DDR2: variants seen among roughly 807,000 people sequenced by gnomAD.
DDR2 encodes the protein discoidin domain-containing receptor 2.
A neutral mutation model predicts 94.9 loss-of-function variants in DDR2; 27 were observed. The observed-to-expected ratio is 0.28, with a 90% confidence interval of 0.21 to 0.39. DDR2 has a LOEUF of 0.39. Ranked by LOEUF, DDR2 falls within the 10% of genes least tolerant of loss-of-function variation. DDR2 has a pLI of 1.00. For missense variants in DDR2, 783 were observed against 1,076.0 expected (o/e 0.73, Z 3.81); for synonymous variants, 382 against 377.2 (o/e 1.01, Z -0.15).
chr1:162,651,241 GC>G (rs769258882), intron 1 of DDR2, among the ~76,000 whole-genome samples: 11 of 152,106 alleles, frequency 7.2e-5, no homozygotes, highest in Non-Finnish European at 1.2e-4. Flanking sequence ...GGCATTTGGA[GC>G]CCTGCGTTTT....
intron 2 of DDR2, among the ~76,000 whole-genome samples, chr1:162,715,862 A>G (rs886306136): frequency 6.6e-6 from 1 of 152,216 alleles, no homozygotes; most frequent in Admixed American, 6.5e-5. Flanking sequence ...GCTGACAGTC[A>G]TCTAATTTTA....
At chr1:162,635,997 G>A (rs1437121001) in intron 1 of DDR2, among the ~76,000 whole-genome samples, 1 of 152,132 alleles carries the variant, frequency 6.6e-6, no homozygotes, top group African/African-American at 2.4e-5. Context: ...ACCTGTCAAG[G>A]ATATTTATTG....
At position 162,776,213 on chromosome 1, in the gene DDR2, G is replaced by A. The variant is rs896311138; in HGVS notation, c.2126G>A (p.Arg709Gln). The A allele has an allele frequency of 3.1e-6, 5 of 1,613,686 alleles. No homozygotes were observed. The highest frequency in any genetic ancestry group is 1.3e-5 in the African/African-American group (1 of 74,810). Residue 709 changes from arginine (R) to glutamine (Q), a missense_variant, in exon 16 of 18, where the codon CGA becomes CAA. Arg to Gln is a conservative substitution (Grantham distance 43, BLOSUM62 1). Coordinates refer to ENST00000367921, the MANE Select transcript of DDR2 (RefSeq NM_006182.4). Reference protein sequence around the residue: ...KYLSSLNFVHRDLATRNCLVG... With the variant: ...KYLSSLNFVHQDLATRNCLVG... ...CTTTCCTCTCTTAATTTTGTTCACCGAGATCTGGCCACACGAAACTGTTTA... is the reference window on the plus strand; with the variant it reads ...CTTTCCTCTCTTAATTTTGTTCACCAAGATCTGGCCACACGAAACTGTTTA...
intron 2 of DDR2, among the ~76,000 whole-genome samples, chr1:162,718,522 A>T (rs985343767): frequency 2.3e-4 from 35 of 152,306 alleles, no homozygotes; most frequent in African/African-American, 8.4e-4. Context: ...CTAATCTATT[A>T]TCATAGATTA....
chr1:162,655,042 A>G lies in DDR2; in HGVS notation c.-191-169A>G, dbSNP rs181678146. On this transcript the variant is annotated intron_variant, in intron 1 of 17. Coordinates refer to ENST00000367921, the MANE Select transcript of DDR2 (RefSeq NM_006182.4). ...TTCTTAACTGGGCAAGTATCAGTTT[A>G]GGTATAAACAACATCCCTCCGAGAT... is the stretch of plus-strand genomic sequence containing the variant. Among the ~76,000 whole-genome samples, 266 of 152,326 alleles carry G rather than the reference A, an allele frequency of 1.7e-3. 2 individuals are homozygous for G. Among genetic ancestry groups the G allele is most frequent in the African/African-American group, 6.0e-3 (248 of 41,578 alleles).
intron 1 of DDR2, among the ~76,000 whole-genome samples, chr1:162,633,504 C>T (rs181660333): frequency 1.3e-5 from 2 of 152,306 alleles, no homozygotes; most frequent in Admixed American, 1.3e-4. Flanking sequence ...AACCCCTTCG[C>T]TCCACAGATG....
At chr1:162,760,879 G>A (rs914951332) in intron 8 of DDR2, among the ~76,000 whole-genome samples, 1 of 151,368 alleles carries the variant, frequency 6.6e-6, no homozygotes, top group Non-Finnish European at 1.5e-5. Flanking sequence ...CGCAGTTGCC[G>A]TCTACCCTGA....
intron 4 of DDR2, among the ~76,000 whole-genome samples, chr1:162,753,744 T>C (rs1663326791): frequency 6.6e-6 from 1 of 152,152 alleles, no homozygotes; most frequent in African/African-American, 2.4e-5. Flanking sequence ...CCTGGGGCGA[T>C]TGATTTCAGG....
intron 2 of DDR2, among the ~76,000 whole-genome samples, chr1:162,718,498 T>C (rs1474556085): frequency 6.6e-6 from 1 of 152,214 alleles, no homozygotes; most frequent in Non-Finnish European, 1.5e-5. Context: ...AAGTTCATAC[T>C]GATGTCTCCA....
Position 162,759,922 on chromosome 1 carries a change from T to A in DDR2, c.798T>A (p.Asn266Lys). 1 of 1,614,148 alleles carries A rather than the reference T, an allele frequency of 6.2e-7. No individual in the cohort carries two copies. Among genetic ancestry groups the A allele is most frequent in the South Asian group, 1.1e-5 (1 of 91,086 alleles). Residue 266 changes from asparagine (N) to lysine (K), a missense_variant, in exon 8 of 18, where the codon AAT becomes AAA. Coordinates refer to ENST00000367921, the MANE Select transcript of DDR2 (RefSeq NM_006182.4). ...YVGWRNESAT[N>K]GYIEIMFEFD... is the part of the protein sequence containing the mutation. Reference sequence around the variant, plus strand: ...GCTGGCGGAACGAGAGTGCCACCAATGGCTACATTGAGATCATGTTTGAAT... The same window carrying A: ...GCTGGCGGAACGAGAGTGCCACCAAAGGCTACATTGAGATCATGTTTGAAT...
rs6666437 is a variant in DDR2 at position 162,642,269 on chromosome 1, T to C, written c.-192+9638T>C. On this transcript the variant is annotated intron_variant, in intron 1 of 17. Coordinates refer to ENST00000367921, the MANE Select transcript of DDR2 (RefSeq NM_006182.4). ...ACCATGCCTGGCCTATTTTATTTAT[T>C]TATCTATCTATCTATTTTTTGAGGT... is the stretch of plus-strand genomic sequence containing the variant. 3.3e-5 allele frequency among the ~76,000 whole-genome samples: 5 copies of C among 151,338 alleles called. 1 individual carries two copies. In the South Asian group the frequency reaches 6.2e-4, roughly 19 times the overall value.
chr1:162,709,054 G>A (rs1265547507), intron 2 of DDR2, among the ~76,000 whole-genome samples: 1 of 152,156 alleles, frequency 6.6e-6, no homozygotes, highest in Non-Finnish European at 1.5e-5. Flanking sequence ...CCTGTGGGCA[G>A]GTGCCATTAT....
At chr1:162,695,513 G>A (rs1046088465) in intron 2 of DDR2, among the ~76,000 whole-genome samples, 4 of 152,276 alleles carry the variant, frequency 2.6e-5, no homozygotes, top group East Asian at 1.9e-4. Context: ...TTACAGGCAT[G>A]AGCCACCGTC....
At position 162,772,122 on chromosome 1, in the gene DDR2, G is replaced by A; in HGVS notation, c.1603G>A (p.Gly535Ser). 1 of 1,614,194 alleles carries A rather than the reference G, an allele frequency of 6.2e-7. No homozygotes were observed. The stretch of plus-strand genomic sequence containing the variant: ...AGTGAACCTCCAAGGAGTGACAGGA[G>A]GCAACACATACTCAGTGCCTGCCGT... ...DIVNLQGVTG[G>S]NTYSVPAVTM... is the part of the protein sequence containing the mutation. Residue 535 changes from glycine to serine, a missense_variant, in exon 13 of 18, where the codon GGC becomes AGC. By Grantham distance (56) the Gly-to-Ser change is moderately conservative. This residue lies in a region of DDR2 where 264 missense variants were observed against 428.2 expected (regional missense o/e 0.62). Transcript: ENST00000367921.
At chr1:162,694,026 C>G (rs1660074150) in intron 2 of DDR2, among the ~76,000 whole-genome samples, 1 of 152,170 alleles carries the variant, frequency 6.6e-6, no homozygotes, top group Admixed American at 6.5e-5. Flanking sequence ...CAGGAACATG[C>G]CAGCACACCC....
chr1:162,705,822 C>T (rs1571222106), intron 2 of DDR2, among the ~76,000 whole-genome samples: 1 of 152,192 alleles, frequency 6.6e-6, no homozygotes, highest in Admixed American at 6.5e-5. Flanking sequence ...CTTCTGAGGC[C>T]CTGAACCAAA....
At chr1:162,687,709 C>A (rs1659753973) in intron 2 of DDR2, among the ~76,000 whole-genome samples, 1 of 152,028 alleles carries the variant, frequency 6.6e-6, no homozygotes. Context: ...TGTACAGAAC[C>A]AGGGGGATGC....
In DDR2 at chr1:162,761,444, C is replaced by T. The variant is rs142469044; in HGVS notation, c.1089C>T (p.Thr363=). 1.9e-5 allele frequency: 31 copies of T among 1,614,028 alleles called. No homozygotes were observed. In the African/African-American group the frequency reaches 4.0e-4, roughly 21 times the overall value. ...CCTGGATGATGTTCAGTGAGATCACCTTCCAATCAGGTAGGGAGCTCAGGT... is the reference window on the plus strand; with the variant it reads ...CCTGGATGATGTTCAGTGAGATCACTTTCCAATCAGGTAGGGAGCTCAGGT... ...ADTWMMFSEI[T]FQSDAAMYNN... is the part of the protein sequence containing the mutation. Residue 363 remains threonine, a synonymous_variant, in exon 9 of 18, where the codon ACC becomes ACT. Transcript: ENST00000367921.
chr1:162,667,325 A>T (rs1658630905), intron 2 of DDR2, among the ~76,000 whole-genome samples: 1 of 152,206 alleles, frequency 6.6e-6, no homozygotes, highest in Non-Finnish European at 1.5e-5. Flanking sequence ...TCTGTGTTAC[A>T]GATGAAGAAA....
Sources: gnomAD v4.1 joint callset for allele counts (sites outside exome capture counted in the v4.1 genomes callset) on GRCh38, gnomAD v4.1.1 for gene constraint, gnomAD v4.1.1 regional missense constraint, MANE v1.5 for transcripts, NCBI Gene and HGNC (gene_info 2026-07-23, HGNC 2026-07-21) for gene names.